SLC35F4: variants seen among roughly 807,000 people sequenced by gnomAD.
The protein encoded by SLC35F4 is solute carrier family 35 member F4.
Under a neutral mutation model 44.2 loss-of-function variants are expected in SLC35F4, and 24 were observed. The observed-to-expected ratio is 0.54, with a 90% CI of 0.39 to 0.76. SLC35F4 has a LOEUF of 0.76. SLC35F4 is among the 30% of genes least tolerant of loss of function. The pLI, the probability that SLC35F4 is intolerant of heterozygous loss-of-function variation, is 0.00. For missense variants in SLC35F4, 562 were observed against 586.1 expected, an observed-to-expected ratio of 0.96 and a Z score of 0.42; for synonymous variants, 238 against 223.6, an observed-to-expected ratio of 1.06 and a Z score of -0.57.
intron 1 of SLC35F4, among the ~76,000 whole-genome samples, chr14:57,625,246 G>C (rs1264110366): frequency 6.6e-6 from 1 of 152,104 alleles, no homozygotes. Flanking sequence ...ACTTACAAGG[G>C]ATGTGAAGGA....
intron 1 of SLC35F4, among the ~76,000 whole-genome samples, chr14:57,636,864 C>T (rs1474514474): frequency 1.3e-5 from 2 of 152,080 alleles, no homozygotes; most frequent in African/African-American, 4.8e-5. Flanking sequence ...TAATGAACCA[C>T]CTAGGCCAAC....
At chr14:57,925,486 G>GAAGA (rs1471187319) in intron 1 of SLC35F4, among the ~76,000 whole-genome samples, 6 of 83,008 alleles carry the variant, frequency 7.2e-5, no homozygotes, top group African/African-American at 2.6e-4. Flanking sequence ...AAGAAGGAAG[G>GAAGA]AAGGAAGGAA....
chr14:57,611,211 A>T (rs1019905142), intron 1 of SLC35F4, among the ~76,000 whole-genome samples: 1 of 151,378 alleles, frequency 6.6e-6, no homozygotes, highest in Non-Finnish European at 1.5e-5. Context: ...AGTGCAGTAG[A>T]TAAAGGAGAG....
intron 1 of SLC35F4, among the ~76,000 whole-genome samples, chr14:57,880,685 C>A (rs2141032483): frequency 6.6e-6 from 1 of 152,256 alleles, no homozygotes. Context: ...AAGTTTGTAG[C>A]TGTGCTCAGA....
intron 1 of SLC35F4, among the ~76,000 whole-genome samples, chr14:57,672,891 T>C (rs1379532183): frequency 2.6e-5 from 4 of 152,020 alleles, no homozygotes. Context: ...TTTGTTTTTT[T>C]ATTTGTTTGT....
Position 57,733,272 on chromosome 14 carries a change from A to G in SLC35F4, c.103+132451T>C, listed in dbSNP as rs192981378. The stretch of plus-strand genomic sequence containing the variant: ...CATAAGTCAGGACAGAAATTCGACT[A>G]TGGATTTTTTCCTTTTATCTCTTGC... On this transcript the variant is annotated intron_variant, in intron 1 of 7. Coordinates refer to ENST00000556826, the MANE Select transcript of SLC35F4 (RefSeq NM_001306087.2). Among the ~76,000 whole-genome samples, 19 of 150,666 alleles carry G rather than the reference A, an allele frequency of 1.3e-4. 1 individual carries two copies. In the East Asian group the frequency reaches 2.9e-3, roughly 23 times the overall value.
At chr14:57,905,953 G>A (rs1465751285) in intron 1 of SLC35F4, among the ~76,000 whole-genome samples, 1 of 152,074 alleles carries the variant, frequency 6.6e-6, no homozygotes, top group Non-Finnish European at 1.5e-5. Context: ...ACAGAGCCCT[G>A]ACAATGAGTT....
chr14:57,800,498 A>T (rs2078165444), intron 1 of SLC35F4, among the ~76,000 whole-genome samples: 2 of 152,216 alleles, frequency 1.3e-5, no homozygotes, highest in Admixed American at 1.3e-4. Context: ...AAGGGCACAG[A>T]ACTGGACTGA....
intron 1 of SLC35F4, among the ~76,000 whole-genome samples, chr14:57,839,004 A>G (rs1224240917): frequency 6.6e-6 from 1 of 152,182 alleles, no homozygotes; most frequent in Non-Finnish European, 1.5e-5. Context: ...ACCGGTACCC[A>G]TATGTCATAT....
At chr14:57,875,061 T>G (rs1470020871) in intron 1 of SLC35F4, among the ~76,000 whole-genome samples, 1 of 152,238 alleles carries the variant, frequency 6.6e-6, no homozygotes, top group East Asian at 1.9e-4. Flanking sequence ...TTTCTTATTA[T>G]GGAATTGACA....
chr14:57,713,914 C>T (rs1420057460), intron 1 of SLC35F4, among the ~76,000 whole-genome samples: 1 of 152,098 alleles, frequency 6.6e-6, no homozygotes, highest in African/African-American at 2.4e-5. Flanking sequence ...CCTCCCCCAC[C>T]CCCCATGGGT....
In SLC35F4 at chr14:57,569,810, A is replaced by G; in HGVS notation, c.1104T>C (p.Cys368=). Residue 368 remains cysteine (C), a synonymous_variant, in exon 6 of 8, where the codon TGT becomes TGC. Coordinates refer to ENST00000556826, the MANE Select transcript of SLC35F4 (RefSeq NM_001306087.2). ...SFAALPWGCL[C]GMAGLWLAFN... is the part of the protein sequence containing the mutation. ...TACCCAGCCACAGCCCTGCCATCCC[A>G]CAGAGACAGCCCCATGGCAGAGCAG... 6.2e-7 allele frequency: 1 copy of G among 1,607,566 alleles called. No homozygotes were observed. Among genetic ancestry groups the G allele is most frequent in the Non-Finnish European group, 8.5e-7 (1 of 1,177,596 alleles).
chr14:57,925,345 G>A (rs1464371960), intron 1 of SLC35F4, among the ~76,000 whole-genome samples: 1 of 148,266 alleles, frequency 6.7e-6, no homozygotes, highest in Non-Finnish European at 1.5e-5. Context: ...CCTATGTGGA[G>A]CCCCAAATAA....
At chr14:57,770,812 GT>G (rs1245450261) in intron 1 of SLC35F4, among the ~76,000 whole-genome samples, 1 of 152,110 alleles carries the variant, frequency 6.6e-6, no homozygotes, top group Non-Finnish European at 1.5e-5. Context: ...ATTTATTATC[GT>G]GTAAGTTACA....
intron 1 of SLC35F4, among the ~76,000 whole-genome samples, chr14:57,848,752 T>C (rs2140979726): frequency 6.6e-6 from 1 of 152,344 alleles, no homozygotes. Flanking sequence ...AACATCTCTT[T>C]CTGGGGCAAA....
intron 1 of SLC35F4, among the ~76,000 whole-genome samples, chr14:57,622,848 T>A (rs894628164): frequency 6.6e-6 from 1 of 151,022 alleles, no homozygotes; most frequent in Non-Finnish European, 1.5e-5. Flanking sequence ...AATAAAAAAA[T>A]TAAAAAAACC....
chr14:57,711,257 G>T (rs140273058), intron 1 of SLC35F4, among the ~76,000 whole-genome samples: 2,026 of 152,170 alleles, frequency 0.013, 24 homozygotes, highest in South Asian at 0.059. Context: ...AAGGCACCTT[G>T]CTTCCCCTTT....
chr14:57,660,570 A>G (rs1334183798), intron 1 of SLC35F4, among the ~76,000 whole-genome samples: 1 of 149,874 alleles, frequency 6.7e-6, no homozygotes, highest in Non-Finnish European at 1.5e-5. Flanking sequence ...ACAGAGGAGG[A>G]GACCACGTGA....
chr14:57,734,313 A>G (rs530057562), intron 1 of SLC35F4, among the ~76,000 whole-genome samples: 28 of 152,194 alleles, frequency 1.8e-4, no homozygotes, highest in Non-Finnish European at 3.2e-4. Flanking sequence ...CCAATTAAGT[A>G]ACATAAAATG....
Sources: allele counts gnomAD v4.1 joint callset (sites outside exome capture counted in the v4.1 genomes callset), GRCh38; gene constraint gnomAD v4.1.1; transcripts MANE v1.5; gene names NCBI Gene and HGNC (gene_info 2026-07-23, HGNC 2026-07-21).